The following ATG101 variants were observed in gnomAD, a reference collection of about 807,000 sequenced individuals.
The protein encoded by ATG101 is autophagy-related protein 101.
Under a neutral mutation model 16.7 loss-of-function variants are expected in ATG101, and 6 were observed. The observed-to-expected ratio is 0.36, with a 90% CI of 0.20 to 0.71. The LOEUF (loss-of-function observed/expected upper bound fraction) is 0.71. ATG101 is among the 30% of genes least tolerant of loss of function. The pLI is 0.57. For synonymous variants in ATG101, 108 were observed against 118.1 expected, an observed-to-expected ratio of 0.91 and a Z score of 0.56; for missense variants, 200 against 292.5, an observed-to-expected ratio of 0.68 and a Z score of 2.31.
Position 52,073,958 on chromosome 12 carries a change from C to A in ATG101, c.252+56C>A, listed in dbSNP as rs1592317657. On this transcript the variant is annotated intron_variant, in intron 3 of 3. Transcript: ENST00000336854. ...TGTGGCATAGCAGATGGCAGGGGGG[C>A]CTCGAGTGCTCCTCCACTCCAGCTT... 44 of 1,591,426 alleles carry A rather than the reference C, an allele frequency of 2.8e-5. 1 individual carries two copies. In the South Asian group the frequency reaches 5.0e-4, roughly 18 times the overall value.
upstream of ATG101, among the ~76,000 whole-genome samples, chr12:52,067,681 C>T (rs529061335): frequency 1.3e-5 from 2 of 151,764 alleles, no homozygotes; most frequent in Non-Finnish European, 1.5e-5. Context: ...TCTGCCTCCC[C>T]GGTTCAAGCG....
chr12:52,074,089 G>GCT (rs1939696723), intron 3 of ATG101, among the ~76,000 whole-genome samples, 187 bp downstream of exon 3: 1 of 152,172 alleles, frequency 6.6e-6, no homozygotes, highest in Non-Finnish European at 1.5e-5. Flanking sequence ...GCGCGGGCGC[G>GCT]TGTGTGTGTG....
At position 52,076,770 on chromosome 12, in the gene ATG101, GTTCCCTTC is replaced by G; in HGVS notation, c.253-10_253-3del. On this transcript the variant is annotated splice_region_variant and splice_polypyrimidine_tract_variant and intron_variant, in intron 3 of 3. Transcript: ENST00000336854. ...CTCAGAGGCCTTGGCTTGCTCATTC[GTTCCCTTC>G]TTCCCAGGATGCACTGCGCAACTCT... The G allele has an allele frequency of 6.2e-7, 1 of 1,608,334 alleles. No homozygotes were observed. The highest frequency in any genetic ancestry group is 2.2e-5 in the East Asian group (1 of 44,778).
At chr12:52,069,048 C>T (rs374308056), upstream of ATG101, among the ~76,000 whole-genome samples, 1 of 138,142 alleles carries the variant, frequency 7.2e-6, no homozygotes, top group Admixed American at 8.0e-5. Flanking sequence ...GAGGTGGGTG[C>T]ATTAACCGAG....
At chr12:52,074,341 A>G in intron 3 of ATG101, among the ~76,000 whole-genome samples, 1 of 151,968 alleles carries the variant, frequency 6.6e-6, no homozygotes, top group East Asian at 1.9e-4. Flanking sequence ...GTGGTGTGGC[A>G]TTGTGTGCCT....
At chr12:52,067,462 T>A (rs757770270), upstream of ATG101, among the ~76,000 whole-genome samples, 1 of 152,062 alleles carries the variant, frequency 6.6e-6, no homozygotes, top group Non-Finnish European at 1.5e-5. Context: ...TAGGAGAGAG[T>A]TGGCTGAAGA....
At chr12:52,068,868 G>A (rs1266417908), upstream of ATG101, among the ~76,000 whole-genome samples, 4 of 151,636 alleles carry the variant, frequency 2.6e-5, no homozygotes, top group East Asian at 3.9e-4. Flanking sequence ...GTGGGCGCCT[G>A]TAGTCCCAGC....
upstream of ATG101, among the ~76,000 whole-genome samples, chr12:52,067,605 T>C (rs987591302): frequency 3.3e-5 from 5 of 152,094 alleles, no homozygotes; most frequent in Non-Finnish European, 7.4e-5. Context: ...TTTTTTTTTT[T>C]TGAGACGGAG....
upstream of ATG101, among the ~76,000 whole-genome samples, chr12:52,067,099 G>C (rs1939558755): frequency 6.6e-6 from 1 of 152,212 alleles, no homozygotes; most frequent in Non-Finnish European, 1.5e-5. Flanking sequence ...GGGAGGAAGG[G>C]AAGAGGATAG....
chr12:52,066,999 G>A (rs1233390480), upstream of ATG101, among the ~76,000 whole-genome samples: 2 of 152,170 alleles, frequency 1.3e-5, no homozygotes, highest in Non-Finnish European at 2.9e-5. Context: ...AGAGGTCGCT[G>A]GTGTGTAGGG....
chr12:52,069,185 A>C (rs1197249851), upstream of ATG101: 1 of 152,172 alleles, frequency 6.6e-6, no homozygotes, highest in Non-Finnish European at 1.5e-5. Context: ...GAAATCTTTC[A>C]TATGAGTTAT....
chr12:52,073,913 C>A lies in ATG101; in HGVS notation c.252+11C>A. 1 of 1,446,534 alleles carries A rather than the reference C, an allele frequency of 6.9e-7. No individual in the cohort carries two copies. Among genetic ancestry groups the A allele is most frequent in the Non-Finnish European group, 9.4e-7 (1 of 1,063,420 alleles). The allele number at this position is 1,446,534 out of a possible 1,614,324, so 89.6% of individuals were successfully genotyped here. A position where few individuals can be genotyped will look rare whatever the true frequency, so the allele number is the denominator to read the frequency against. On this transcript the variant is annotated intron_variant, in intron 3 of 3. Coordinates refer to ENST00000336854, the MANE Select transcript of ATG101 (RefSeq NM_021934.5). ...GTTGGGGAGTTCAAGGTAAGGGTGT[C>A]GGGGAGTTCAAGGTAAGGGTGTGGC...
chr12:52,076,963 G>C lies in ATG101; in HGVS notation c.430G>C (p.Val144Leu), dbSNP rs1216428764. ...GGAGCGGCAGATCTGCCGGGAGAAG[G>C]TGGGTGAGAAACTCTGCGAGAAGAT... Reference protein sequence around the residue: ...EQERQICREKVGEKLCEKIIN... With the variant: ...EQERQICREKLGEKLCEKIIN... Residue 144 changes from valine (V) to leucine (L), a missense_variant, in exon 4 of 4, where the codon GTG (valine) becomes CTG (leucine). Val to Leu is a conservative substitution (Grantham distance 32, BLOSUM62 1). Coordinates refer to ENST00000336854, the MANE Select transcript of ATG101 (RefSeq NM_021934.5). The C allele has an allele frequency of 6.2e-7, 1 of 1,614,110 alleles. No homozygotes were observed. Among genetic ancestry groups the C allele is most frequent in the Admixed American group, 1.7e-5 (1 of 60,014 alleles).
chr12:52,073,745 G>A lies in ATG101; in HGVS notation c.95G>A (p.Arg32His). Reference protein sequence around the residue: ...LAVLHTVLLHRSTGKFHYKKE... With the variant: ...LAVLHTVLLHHSTGKFHYKKE... The stretch of plus-strand genomic sequence containing the variant: ...GTGCTGCACACGGTGCTTCTGCACC[G>A]CAGCACAGGCAAGTTCCACTACAAG... The change falls in exon 3 of 4, where the codon CGC (arginine) becomes CAC (histidine). Residue 32 changes from arginine (R) to histidine (H), a missense_variant. Physicochemically the swap from Arg to His is conservative, Grantham distance 29. Coordinates refer to ENST00000336854, the MANE Select transcript of ATG101 (RefSeq NM_021934.5). 3 of 1,614,176 alleles carry A rather than the reference G, an allele frequency of 1.9e-6. No homozygotes were observed. The highest frequency in any genetic ancestry group is 2.5e-6 in the Non-Finnish European group (3 of 1,180,034).
intron 2 of ATG101, among the ~76,000 whole-genome samples, chr12:52,072,735 G>A (rs1353061639): frequency 6.8e-6 from 1 of 148,100 alleles, no homozygotes; most frequent in Non-Finnish European, 1.5e-5. Context: ...TTAGCCAAAG[G>A]TACTTGTCTT....
chr12:52,076,906 A>G lies in ATG101; in HGVS notation c.373A>G (p.Lys125Glu), dbSNP rs776195136. ...ECIPWEVWTVKVHVVALATEQ... is the reference protein window; with the variant it reads ...ECIPWEVWTVEVHVVALATEQ... ...CATCCCATGGGAAGTGTGGACGGTC[A>G]AGGTGCATGTGGTAGCCCTGGCCAC... The change falls in exon 4 of 4, where the codon AAG (lysine) becomes GAG (glutamate). Residue 125 changes from lysine (K) to glutamate (E), a missense_variant. By Grantham distance (56) the Lys-to-Glu change is moderately conservative (BLOSUM62 1). Coordinates refer to ENST00000336854, the MANE Select transcript of ATG101 (RefSeq NM_021934.5). 2.5e-6 allele frequency: 4 copies of G among 1,614,192 alleles called. No individual in the cohort carries two copies. The highest frequency in any genetic ancestry group is 1.7e-5 in the Admixed American group (1 of 60,024).
In ATG101 at chr12:52,076,983, G is replaced by T; in HGVS notation, c.450G>T (p.Glu150Asp). The change falls in exon 4 of 4, where the codon GAG becomes GAT. Residue 150 changes from glutamate to aspartate, a missense_variant. Coordinates refer to ENST00000336854, the MANE Select transcript of ATG101 (RefSeq NM_021934.5). ...AGAAGGTGGGTGAGAAACTCTGCGA[G>T]AAGATCATCAACATCGTGGAGGTGA... Reference protein sequence around the residue: ...CREKVGEKLCEKIINIVEVMN... With the variant: ...CREKVGEKLCDKIINIVEVMN... 1 of 1,614,226 alleles carries T rather than the reference G, an allele frequency of 6.2e-7. No homozygotes were observed. The highest frequency in any genetic ancestry group is 8.5e-7 in the Non-Finnish European group (1 of 1,180,044).
chr12:52,073,710 C>T lies in ATG101; in HGVS notation c.60C>T (p.Ala20=). The part of the protein sequence containing the change: ...VSVEGRQVEE[A]MLAVLHTVLL... ...TGGAGGGGCGGCAGGTGGAGGAGGC[C>T]ATGCTGGCTGTGCTGCACACGGTGC... Residue 20 remains alanine (A), a synonymous_variant, in exon 3 of 4, where the codon GCC becomes GCT. Coordinates refer to ENST00000336854, the MANE Select transcript of ATG101 (RefSeq NM_021934.5). 1 of 1,614,142 alleles carries T rather than the reference C, an allele frequency of 6.2e-7. No homozygotes were observed. Among genetic ancestry groups the T allele is most frequent in the Non-Finnish European group, 8.5e-7 (1 of 1,180,018 alleles).
At chr12:52,075,465 C>T (rs1463882933) in intron 3 of ATG101, among the ~76,000 whole-genome samples, 1 of 152,184 alleles carries the variant, frequency 6.6e-6, no homozygotes, top group Non-Finnish European at 1.5e-5. Context: ...TCAAATATGC[C>T]CAGTGTTTGG....
Sources: gnomAD v4.1 joint callset for allele counts (sites outside exome capture counted in the v4.1 genomes callset) on GRCh38, gnomAD v4.1.1 for gene constraint, MANE v1.5 for transcripts, NCBI Gene and HGNC (gene_info 2026-07-23, HGNC 2026-07-21) for gene names.